TMCO5A: variants seen among roughly 807,000 people sequenced by gnomAD.
TMCO5A encodes transmembrane and coiled-coil domain-containing protein 5A.
TMCO5A carries 34 observed loss-of-function variants against 42.3 expected under a neutral mutation model. That is an observed-to-expected ratio of 0.80 (90% CI 0.61 to 1.07). The LOEUF is 1.07. TMCO5A is among the 50% of genes least tolerant of loss of function. The pLI is 0.00. For synonymous variants in TMCO5A, 131 were observed against 115.6 expected (o/e 1.13, Z -0.86); for missense variants, 357 against 327.9 (o/e 1.09, Z -0.69).
the TMCO5A span, among the ~76,000 whole-genome samples, chr15:37,975,103 G>A: frequency 6.6e-6 from 1 of 152,186 alleles, no homozygotes; most frequent in Non-Finnish European, 1.5e-5. Flanking sequence ...TGATCCAAGA[G>A]TGTGTTTGGT....
chr15:37,979,548 G>A, the TMCO5A span, among the ~76,000 whole-genome samples: 5 of 152,200 alleles, frequency 3.3e-5, no homozygotes, highest in Non-Finnish European at 1.5e-5. Flanking sequence ...GAACCTGCCT[G>A]AGCACCCAAG....
the TMCO5A span, among the ~76,000 whole-genome samples, chr15:37,978,620 G>C: frequency 1.3e-5 from 2 of 152,144 alleles, no homozygotes; most frequent in Non-Finnish European, 2.9e-5. Flanking sequence ...CAATGCAAGA[G>C]AGCCTGAGGG....
At chr15:37,942,447 T>G (rs921839988) in intron 9 of TMCO5A, 192 bp downstream of exon 9, 4 of 561,548 alleles carry the variant, frequency 7.1e-6, no homozygotes, top group African/African-American at 3.7e-5. Context: ...CATTCTCCCA[T>G]CCTTCTAAAA....
the TMCO5A span, among the ~76,000 whole-genome samples, chr15:38,029,626 A>G: frequency 6.6e-6 from 1 of 152,028 alleles, no homozygotes; most frequent in Non-Finnish European, 1.5e-5. Context: ...TCCTTGGCTA[A>G]TTTTTTTAAA....
At chr15:38,039,516 TAG>T in the TMCO5A span, among the ~76,000 whole-genome samples, 1 of 152,222 alleles carries the variant, frequency 6.6e-6, no homozygotes, top group Non-Finnish European at 1.5e-5. Flanking sequence ...ACAGGATTTG[TAG>T]AGACTCCTAT....
At chr15:38,037,334 A>G in the TMCO5A span, among the ~76,000 whole-genome samples, 1 of 152,246 alleles carries the variant, frequency 6.6e-6, no homozygotes, top group Non-Finnish European at 1.5e-5. Flanking sequence ...GCCTTGCCCT[A>G]TAGAATATTG....
At chr15:37,941,100 T>A (rs1011273) in intron 6 of TMCO5A, 49 bp from the exon 7 acceptor site, 10 of 1,589,418 alleles carry the variant, frequency 6.3e-6, no homozygotes, top group African/African-American at 1.3e-5. Flanking sequence ...ATTCCATTCC[T>A]GCACAGCTTT....
the TMCO5A span, among the ~76,000 whole-genome samples, chr15:37,998,683 T>C: frequency 6.6e-6 from 1 of 152,114 alleles, no homozygotes; most frequent in Non-Finnish European, 1.5e-5. Context: ...CTGTTCTGAG[T>C]CTTTTGTGGT....
At chr15:37,969,501 A>T (rs1890632750), downstream of TMCO5A, among the ~76,000 whole-genome samples, 1 of 152,222 alleles carries the variant, frequency 6.6e-6, no homozygotes, top group African/African-American at 2.4e-5. Flanking sequence ...ACCCAACACT[A>T]TGTCACTGCC....
At chr15:38,015,151 T>G in the TMCO5A span, among the ~76,000 whole-genome samples, 1 of 152,004 alleles carries the variant, frequency 6.6e-6, no homozygotes, top group Non-Finnish European at 1.5e-5. Context: ...AGGGTGGATC[T>G]GCCTTCCGAA....
the TMCO5A span, among the ~76,000 whole-genome samples, chr15:38,034,993 C>T: frequency 8.3e-4 from 127 of 152,264 alleles, 1 homozygote; most frequent in South Asian, 2.1e-3. Context: ...GTTGATTCTC[C>T]TAAGGGCAAG....
downstream of TMCO5A, chr15:37,951,552 C>T (rs1243321043): frequency 7.5e-6 from 2 of 266,770 alleles, no homozygotes; most frequent in Admixed American, 5.2e-5. Flanking sequence ...ATCTGACACA[C>T]TGGATTCCTG....
chr15:38,010,383 C>CAAAAAAAAAA, the TMCO5A span, among the ~76,000 whole-genome samples: 1 of 40,326 alleles, frequency 2.5e-5, no homozygotes, highest in Non-Finnish European at 4.4e-5. Flanking sequence ...ACTCCGTCTC[C>CAAAAAAAAAA]AAAAAAAAAA....
the TMCO5A span, among the ~76,000 whole-genome samples, chr15:37,982,506 G>GATATTATATATTATCTATATATAATAT: frequency 1.6e-4 from 22 of 141,212 alleles, no homozygotes; most frequent in South Asian, 4.4e-4. Flanking sequence ...ATATATAATA[G>GATATTATATATTATCTATATATAATAT]ATATTATATA....
the TMCO5A span, among the ~76,000 whole-genome samples, chr15:38,023,597 G>A: frequency 3.8e-4 from 58 of 152,262 alleles, no homozygotes; most frequent in Admixed American, 1.7e-3. Context: ...AGACCACTAT[G>A]GCCAATCCGA....
At chr15:37,947,844 T>G (rs779516970) in intron 11 of TMCO5A, 148 bp downstream of exon 11, 64 of 540,344 alleles carry the variant, frequency 1.2e-4, no homozygotes, top group Non-Finnish European at 2.0e-4. Context: ...ACTAATGTCT[T>G]TGACTGTATT....
At chr15:37,939,823 G>C (rs1264082091) in intron 6 of TMCO5A, among the ~76,000 whole-genome samples, 1 of 152,030 alleles carries the variant, frequency 6.6e-6, no homozygotes, top group African/African-American at 2.4e-5. Flanking sequence ...CCATTGGCTT[G>C]AAACTATATA....
the TMCO5A span, among the ~76,000 whole-genome samples, chr15:37,996,343 A>G: frequency 1.1e-4 from 17 of 152,280 alleles, no homozygotes; most frequent in Middle Eastern, 6.8e-3. Flanking sequence ...AGCACCAGAC[A>G]TTTCACCAGG....
intron 11 of TMCO5A, among the ~76,000 whole-genome samples, chr15:37,957,321 T>A (rs1435643258): frequency 6.6e-6 from 1 of 152,224 alleles, no homozygotes; most frequent in Admixed American, 6.5e-5. Flanking sequence ...GCACATGACA[T>A]GATTGTATAT....
Sources: allele counts gnomAD v4.1 joint callset (sites outside exome capture counted in the v4.1 genomes callset), GRCh38; gene constraint gnomAD v4.1.1; transcripts MANE v1.5; gene names NCBI Gene and HGNC (gene_info 2026-07-23, HGNC 2026-07-21).